Variants in ELF1 observed in about 807,000 individuals in gnomAD.
ELF1 encodes E74 like ETS transcription factor 1, also known as ETS-related transcription factor Elf-1.
ELF1 carries 24 observed loss-of-function variants against 59.9 expected under a neutral mutation model. The observed-to-expected ratio is 0.40, with a 90% CI of 0.29 to 0.56. The LOEUF (loss-of-function observed/expected upper bound fraction) is 0.56. Ranked by LOEUF, ELF1 falls within the 20% of genes least tolerant of loss-of-function variation. The pLI, the probability that ELF1 is intolerant of heterozygous loss-of-function variation, is 0.44. For missense variants in ELF1, 627 were observed against 742.2 expected (o/e 0.84, Z 1.80); for synonymous variants, 248 against 266.2 (o/e 0.93, Z 0.67).
At chr13:41,047,315 T>A (rs1018348179) in intron 1 of ELF1, among the ~76,000 whole-genome samples, 4 of 152,262 alleles carry the variant, frequency 2.6e-5, no homozygotes, top group Non-Finnish European at 5.9e-5. Flanking sequence ...GTTCCGTTGC[T>A]GGCGAGGAGC....
At chr13:40,940,202 C>T (rs1204917238) in intron 8 of ELF1, among the ~76,000 whole-genome samples, 3 of 152,048 alleles carry the variant, frequency 2.0e-5, no homozygotes, top group Non-Finnish European at 4.4e-5. Flanking sequence ...AAATTCATGA[C>T]AGTATAAACA....
intron 1 of ELF1, 87 bp from the exon 2 acceptor site, chr13:40,982,369 G>T: frequency 1.1e-6 from 1 of 916,326 alleles, no homozygotes; most frequent in Non-Finnish European, 1.3e-6. Flanking sequence ...TATCGCTAAA[G>T]CATTTTTTTA....
intron 2 of ELF1, among the ~76,000 whole-genome samples, chr13:40,961,422 T>A (rs538744471): frequency 6.6e-6 from 1 of 152,294 alleles, no homozygotes; most frequent in South Asian, 2.1e-4. Flanking sequence ...CCTGGTGGTA[T>A]GTGCCTGTAG....
chr13:40,999,307 T>A (rs747924120), intron 1 of ELF1, among the ~76,000 whole-genome samples: 1 of 152,134 alleles, frequency 6.6e-6, no homozygotes, highest in Non-Finnish European at 1.5e-5. Context: ...ATGTGGGAAC[T>A]AAACTGAACC....
intron 2 of ELF1, among the ~76,000 whole-genome samples, chr13:40,963,822 A>C (rs952149155): frequency 6.6e-6 from 1 of 151,946 alleles, no homozygotes; most frequent in African/African-American, 2.4e-5. Flanking sequence ...CAGGAGAATC[A>C]CTTAACCCAG....
chr13:41,035,268 A>C (rs957983112), intron 1 of ELF1, among the ~76,000 whole-genome samples: 52 of 152,342 alleles, frequency 3.4e-4, no homozygotes, highest in African/African-American at 1.2e-3. Flanking sequence ...AGAACATTAC[A>C]TTCCGTATCA....
upstream of ELF1, among the ~76,000 whole-genome samples, chr13:41,023,146 T>C (rs1439633319): frequency 6.6e-6 from 1 of 152,228 alleles, no homozygotes; most frequent in East Asian, 1.9e-4. Context: ...TGAATGAATT[T>C]AAATGCCAAC....
intron 1 of ELF1, among the ~76,000 whole-genome samples, chr13:40,989,910 T>A (rs930877362): frequency 6.6e-6 from 1 of 152,222 alleles, no homozygotes; most frequent in African/African-American, 2.4e-5. Context: ...TTATTGAGTA[T>A]CCACTGTTAT....
Position 41,047,977 on chromosome 13 carries a change from C to T in ELF1, c.-229+12861G>A, listed in dbSNP as rs183011503. Among the ~76,000 whole-genome samples, 458 of 152,328 alleles carry T rather than the reference C, an allele frequency of 3.0e-3. 2 individuals are homozygous for T. Among genetic ancestry groups the T allele is most frequent in the African/African-American group, 0.011 (442 of 41,568 alleles). ...TTACCTACTCAAGCCTCAGCAATGG[C>T]GGGTGCCCCTTCCCCAGCCTCACTG... On this transcript the variant is annotated intron_variant, in intron 1 of 1. Coordinates refer to the ELF1 transcript ENST00000405737.
chr13:40,968,721 C>CTTTTTTTTTTTTT (rs35089615), intron 2 of ELF1, among the ~76,000 whole-genome samples: 17 of 137,378 alleles, frequency 1.2e-4, no homozygotes, highest in African/African-American at 4.6e-4. Flanking sequence ...TTTCTATATT[C>CTTTTTTTTTTTTT]TTTTTTTTTT....
intron 1 of ELF1, among the ~76,000 whole-genome samples, chr13:40,995,555 A>G (rs1221719866): frequency 6.6e-6 from 1 of 152,202 alleles, no homozygotes; most frequent in Non-Finnish European, 1.5e-5. Context: ...AGCACGGTTA[A>G]TGGCACCACA....
At chr13:41,054,466 C>T (rs546319404) in intron 1 of ELF1, among the ~76,000 whole-genome samples, 4 of 152,234 alleles carry the variant, frequency 2.6e-5, no homozygotes, top group East Asian at 3.9e-4. Flanking sequence ...TTTCAGAGTT[C>T]GAAAGCCACA....
intron 3 of ELF1, among the ~76,000 whole-genome samples, chr13:40,956,571 C>CAAAAAAAAAAAAA (rs34245662): frequency 1.3e-5 from 1 of 76,144 alleles, no homozygotes; most frequent in African/African-American, 4.6e-5. Flanking sequence ...CAAGAATGAT[C>CAAAAAAAAAAAAA]AAAAAAAAAA....
intron 1 of ELF1, among the ~76,000 whole-genome samples, chr13:41,055,493 T>C (rs1261344248): frequency 2.0e-5 from 3 of 151,652 alleles, no homozygotes; most frequent in South Asian, 2.1e-4. Context: ...AACTCAGATA[T>C]GGATTTTGAA....
Position 41,019,233 on chromosome 13 carries a change from A to G in ELF1, c.-234T>C. ...ACAAAATTGTAACAAGTTACCTTCA[A>G]GTATTCTTTCTCTATCGTCTTTTGA... On this transcript the variant is annotated 5_prime_UTR_variant, in exon 1 of 9. Transcript: ENST00000239882. 1 of 985,464 alleles carries G rather than the reference A, an allele frequency of 1.0e-6. No homozygotes were observed. Among genetic ancestry groups the G allele is most frequent in the Non-Finnish European group, 1.2e-6 (1 of 829,942 alleles). The allele number at this position is 985,464 out of a possible 1,614,324, so 61.0% of individuals were successfully genotyped here. A position where few individuals can be genotyped will look rare whatever the true frequency, so the allele number is the denominator to read the frequency against.
intron 8 of ELF1, among the ~76,000 whole-genome samples, chr13:40,937,250 G>GA (rs1228888548): frequency 6.6e-6 from 1 of 152,046 alleles, no homozygotes; most frequent in African/African-American, 2.4e-5. Flanking sequence ...TAAACAACTG[G>GA]AAAAATATTG....
At chr13:41,010,504 T>TGTGTGTGC (rs1182465057) in intron 1 of ELF1, among the ~76,000 whole-genome samples, 1 of 138,756 alleles carries the variant, frequency 7.2e-6, no homozygotes, top group East Asian at 2.3e-4. Flanking sequence ...TGTGTGTGTG[T>TGTGTGTGC]GTGTGTGCAC....
intron 1 of ELF1, among the ~76,000 whole-genome samples, chr13:40,999,244 A>G (rs1874279103): frequency 2.6e-5 from 4 of 152,258 alleles, no homozygotes; most frequent in African/African-American, 9.6e-5. Flanking sequence ...GCATAAATGC[A>G]GTATTTTAGA....
rs780405648 is a variant in ELF1, at chr13:40,933,886, T to G, written c.1399A>C (p.Ile467Leu). Reference sequence around the variant, plus strand: ...TGTGATGATGGAATGGCTTGTAAAATAAACTTCTGAGATCCAGTACCTGCT... The same window carrying G: ...TGTGATGATGGAATGGCTTGTAAAAGAAACTTCTGAGATCCAGTACCTGCT... ...PSAGTGSQKF[I>L]LQAIPSSQPM... Residue 467 changes from isoleucine (I) to leucine (L), a missense_variant, in exon 9 of 9, where the codon ATT becomes CTT. By Grantham distance (5) the Ile-to-Leu change is conservative (BLOSUM62 2). This residue lies in a region of ELF1 where 361 missense variants were observed against 396.1 expected (regional missense o/e 0.91). Transcript: ENST00000239882. The G allele has an allele frequency of 3.1e-6, 5 of 1,614,114 alleles. No individual in the cohort carries two copies. Among genetic ancestry groups the G allele is most frequent in the Non-Finnish European group, 4.2e-6 (5 of 1,180,048 alleles).
Sources: gnomAD v4.1 joint callset for allele counts (sites outside exome capture counted in the v4.1 genomes callset) on GRCh38, gnomAD v4.1.1 for gene constraint, gnomAD v4.1.1 regional missense constraint, MANE v1.5 for transcripts, NCBI Gene and HGNC (gene_info 2026-07-23, HGNC 2026-07-21) for gene names.